Variants in TOP3A observed in about 807,000 individuals in gnomAD.
TOP3A encodes the protein DNA topoisomerase III alpha.
A neutral mutation model predicts 111.3 loss-of-function variants in TOP3A; 64 were observed. The observed-to-expected ratio is 0.57, with a 90% CI of 0.47 to 0.71. The LOEUF is 0.71. Among genes scored for constraint, TOP3A ranks in the 30% least tolerant of loss-of-function variants. The probability of loss-of-function intolerance (pLI) is 0.00; values close to 1 mark genes in which losing one functional copy is unlikely to be tolerated. For synonymous variants in TOP3A, 484 were observed against 485.1 expected (o/e 1.00, Z 0.03); for missense variants, 1,104 against 1,285.0 (o/e 0.86, Z 2.15).
At chr17:18,297,465 G>A (rs71372276) in intron 9 of TOP3A, among the ~76,000 whole-genome samples, 4 of 131,364 alleles carry the variant, frequency 3.0e-5, no homozygotes, top group East Asian at 5.2e-4. Flanking sequence ...CACGGTCTCC[G>A]TCTCCCTCTC....
At chr17:18,278,470 G>C (rs1979550103) in intron 17 of TOP3A, 113 bp from the exon 18 acceptor site, 1 of 981,382 alleles carries the variant, frequency 1.0e-6, no homozygotes, top group African/African-American at 1.6e-5. Flanking sequence ...TTATGCATCA[G>C]GAAGCCCACA....
intron 5 of TOP3A, among the ~76,000 whole-genome samples, chr17:18,303,725 CA>C (rs1445973356): frequency 6.6e-6 from 1 of 152,160 alleles, no homozygotes; most frequent in African/African-American, 2.4e-5. Flanking sequence ...ACCCTATAGT[CA>C]CACTGCATTC....
chr17:18,294,815 T>G, intron 9 of TOP3A, 30 bp from the exon 10 acceptor site: 1 of 1,478,540 alleles, frequency 6.8e-7, no homozygotes, highest in Non-Finnish European at 9.5e-7. Flanking sequence ...GCATGTTAGG[T>G]GTACTGCATG....
intron 13 of TOP3A, among the ~76,000 whole-genome samples, chr17:18,290,144 G>A (rs1355455034): frequency 6.6e-6 from 1 of 152,192 alleles, no homozygotes; most frequent in South Asian, 2.1e-4. Flanking sequence ...GGAGGCTCAG[G>A]GCTCTATCTG....
At chr17:18,302,240 C>A in intron 7 of TOP3A, 24 bp downstream of exon 7, 1 of 1,588,270 alleles carries the variant, frequency 6.3e-7, no homozygotes, top group South Asian at 1.1e-5. Context: ...GGTCCCAGGC[C>A]ATAACACCCA....
At chr17:18,297,304 A>G (rs1980871955) in intron 9 of TOP3A, among the ~76,000 whole-genome samples, 1 of 152,200 alleles carries the variant, frequency 6.6e-6, no homozygotes, top group Non-Finnish European at 1.5e-5. Context: ...GCATGCCTAT[A>G]ATCCCAGCTA....
At position 18,301,908 on chromosome 17, in the gene TOP3A, C is replaced by T; in HGVS notation, c.892G>A (p.Val298Ile). 1 of 1,614,170 alleles carries T rather than the reference C, an allele frequency of 6.2e-7. No individual in the cohort carries two copies. The highest frequency in any genetic ancestry group is 8.5e-7 in the Non-Finnish European group (1 of 1,180,016). The change falls in exon 8 of 19, where the codon GTT becomes ATT. Residue 298 changes from valine (V) to isoleucine (I), a missense_variant. Val to Ile is a conservative substitution (Grantham distance 29). Coordinates refer to ENST00000321105, the MANE Select transcript of TOP3A (RefSeq NM_004618.5). ...ACCTCCACACACAACTGATAGAGAACTAGGCAAGCCGTGTGGTTAAAGAGT... is the reference window on the plus strand; with the variant it reads ...ACCTCCACACACAACTGATAGAGAATTAGGCAAGCCGTGTGGTTAAAGAGT... ...HRLFNHTACL[V>I]LYQLCVEDPM...
Position 18,314,714 on chromosome 17 carries a change from G to A in TOP3A, c.65C>T (p.Ser22Phe). 3 of 1,603,968 alleles carry A rather than the reference G, an allele frequency of 1.9e-6. No individual in the cohort carries two copies. Among genetic ancestry groups the A allele is most frequent in the Non-Finnish European group, 2.6e-6 (3 of 1,175,644 alleles). Residue 22 changes from serine to phenylalanine, a missense_variant, in exon 1 of 19, where the codon TCC becomes TTC. Coordinates refer to ENST00000321105, the MANE Select transcript of TOP3A (RefSeq NM_004618.5). ...GAGGGCCATCTCCATGGCGGCGCGG[G>A]AAAAGGCACGGTCTTCGGGCCGTCG... ...WLRRPEDRAFSRAAMEMALRG... is the reference protein window; with the variant it reads ...WLRRPEDRAFFRAAMEMALRG...
intron 9 of TOP3A, among the ~76,000 whole-genome samples, chr17:18,295,318 T>C (rs1411864070): frequency 1.3e-5 from 2 of 152,086 alleles, no homozygotes; most frequent in Non-Finnish European, 2.9e-5. Context: ...TGGCAAATTT[T>C]TGTATTTTTA....
intron 13 of TOP3A, among the ~76,000 whole-genome samples, chr17:18,286,210 GA>G (rs377175442): frequency 0.23 from 32,644 of 139,352 alleles, 3,766 homozygotes; most frequent in East Asian, 0.32. Flanking sequence ...AAAAAAAAAA[GA>G]AAAAAAAAAG....
In TOP3A at chr17:18,292,629, A is replaced by T. The variant is rs1015531923; in HGVS notation, c.1281+16T>A. 1 of 1,540,302 alleles carries T rather than the reference A, an allele frequency of 6.5e-7. No homozygotes were observed. Among genetic ancestry groups the T allele is most frequent in the African/African-American group, 1.4e-5 (1 of 72,958 alleles). ...CCCTATGGGTTCCAGCAGGCAGTAC[A>T]TTCAGGGAAACCAACCTGTAAGTTG... On this transcript the variant is annotated intron_variant, in intron 11 of 18. Transcript: ENST00000321105.
chr17:18,301,901 T>G lies in TOP3A; in HGVS notation c.899A>C (p.Tyr300Ser), dbSNP rs766595854. ...GGTTCTTACCTCCACACACAACTGA[T>G]AGAGAACTAGGCAAGCCGTGTGGTT... ...LFNHTACLVL[Y>S]QLCVEDPMAT... Residue 300 changes from tyrosine to serine, a missense_variant, in exon 8 of 19, where the codon TAT (tyrosine) becomes TCT (serine). Transcript: ENST00000321105. The G allele has an allele frequency of 6.2e-7, 1 of 1,614,110 alleles. No individual in the cohort carries two copies. Among genetic ancestry groups the G allele is most frequent in the Non-Finnish European group, 8.5e-7 (1 of 1,179,970 alleles).
At chr17:18,293,452 ATTTTT>A (rs796749830) in intron 10 of TOP3A, among the ~76,000 whole-genome samples, 4 of 142,436 alleles carry the variant, frequency 2.8e-5, no homozygotes, top group African/African-American at 1.0e-4. Context: ...TGCCTGGCTA[ATTTTT>A]TTTTTTTTTT....
At chr17:18,280,440 G>A in intron 17 of TOP3A, 96 bp downstream of exon 17, 1 of 1,435,128 alleles carries the variant, frequency 7.0e-7, no homozygotes, top group Non-Finnish European at 9.4e-7. Flanking sequence ...GGGCCTGAGT[G>A]GAATCCCCGA....
In TOP3A at chr17:18,308,965, A is replaced by AT. The variant is rs759944595; in HGVS notation, c.181-25_181-24insA. The AT allele has an allele frequency of 3.5e-5, 44 of 1,264,060 alleles. No homozygotes were observed. In the Middle Eastern group the frequency reaches 1.0e-3, roughly 29 times the overall value. The allele number at this position is 1,264,060 out of a possible 1,614,324, so 78.3% of individuals were successfully genotyped here. On this transcript the variant is annotated intron_variant, in intron 1 of 18. Coordinates refer to ENST00000321105, the MANE Select transcript of TOP3A (RefSeq NM_004618.5). The stretch of plus-strand genomic sequence containing the variant: ...CTCTATAAAACAAAAATAAGTAAAA[A>AT]ATATAAATTACGTTTAAAACAATGG...
chr17:18,277,971 T>G lies in TOP3A; in HGVS notation c.2531A>C (p.Asn844Thr). Residue 844 changes from asparagine (N) to threonine (T), a missense_variant, in exon 18 of 19, where the codon AAC becomes ACC. By Grantham distance (65) the Asn-to-Thr change is moderately conservative (BLOSUM62 0). Coordinates refer to ENST00000321105, the MANE Select transcript of TOP3A (RefSeq NM_004618.5). ...GGGGCTGTCTGCCCACAGGAAGAAG[T>G]TGCAGCTACCTCCGTTGCACTTAAA... ...QFFKCNGGSCNFFLWADSPNP... is the reference protein window; with the variant it reads ...QFFKCNGGSCTFFLWADSPNP... 3 of 1,614,030 alleles carry G rather than the reference T, an allele frequency of 1.9e-6. No individual in the cohort carries two copies. The highest frequency in any genetic ancestry group is 2.5e-6 in the Non-Finnish European group (3 of 1,180,044).
chr17:18,299,051 T>TA (rs955523111), intron 9 of TOP3A, among the ~76,000 whole-genome samples: 11 of 141,036 alleles, frequency 7.8e-5, no homozygotes, highest in Non-Finnish European at 1.2e-4. Flanking sequence ...AATGATCAAT[T>TA]AAAAAAAATA....
At chr17:18,297,164 G>A (rs548212864) in intron 9 of TOP3A, among the ~76,000 whole-genome samples, 4 of 152,266 alleles carry the variant, frequency 2.6e-5, no homozygotes, top group South Asian at 2.1e-4. Context: ...GGTGGCTCAC[G>A]CCTCTAATCC....
chr17:18,306,159 C>T (rs1981566725), intron 4 of TOP3A, among the ~76,000 whole-genome samples: 1 of 152,108 alleles, frequency 6.6e-6, no homozygotes. Context: ...TGAGATTGCA[C>T]CATCATACTC....
Sources: allele counts gnomAD v4.1 joint callset (sites outside exome capture counted in the v4.1 genomes callset), GRCh38; gene constraint gnomAD v4.1.1; transcripts MANE v1.5; gene names NCBI Gene and HGNC (gene_info 2026-07-23, HGNC 2026-07-21).